FHIT: variants seen among roughly 807,000 people sequenced by gnomAD.
FHIT encodes the protein fragile histidine triad diadenosine triphosphatase.
Under a neutral mutation model 17.9 loss-of-function variants are expected in FHIT, and 19 were observed. The observed-to-expected ratio is 1.06, with a 90% CI of 0.74 to 1.56. FHIT has a LOEUF of 1.56. FHIT is among the 40% of genes most tolerant of loss of function. The probability of loss-of-function intolerance (pLI) is 0.00; values close to 1 mark genes in which losing one functional copy is unlikely to be tolerated. For synonymous variants in FHIT, 81 were observed against 69.7 expected (o/e 1.16, Z -0.81); for missense variants, 248 against 189.2 (o/e 1.31, Z -1.82).
chr3:60,709,158 GA>G (rs2041451182), intron 4 of FHIT, among the ~76,000 whole-genome samples: 1 of 152,078 alleles, frequency 6.6e-6, no homozygotes, highest in South Asian at 2.1e-4. Flanking sequence ...AATTAAAACA[GA>G]AAACTTTCAA....
chr3:60,132,352 A>G lies in FHIT; in HGVS notation c.104-118200T>C, dbSNP rs149809516. Among the ~76,000 whole-genome samples the G allele has an allele frequency of 9.8e-4, 149 of 152,326 alleles. 1 individual carries two copies. The highest frequency in any genetic ancestry group is 3.5e-3 in the African/African-American group (147 of 41,576). ...TTTAACTCAGAGCTTGGCTCAGGTT[A>G]GATGGTCACTAGTTATGTATTTGTT... On this transcript the variant is annotated intron_variant, in intron 5 of 9. Transcript: ENST00000492590.
At chr3:60,021,308 T>C (rs1700545973) in intron 5 of FHIT, among the ~76,000 whole-genome samples, 1 of 152,148 alleles carries the variant, frequency 6.6e-6, no homozygotes, top group African/African-American at 2.4e-5. Flanking sequence ...AAAACTCCGG[T>C]ACCGATCTGG....
chr3:60,206,149 AAATAAT>A (rs1041282613), intron 5 of FHIT, among the ~76,000 whole-genome samples: 187 of 94,140 alleles, frequency 2.0e-3, no homozygotes, highest in East Asian at 8.4e-3. Flanking sequence ...AAAAAAAAAT[AAATAAT>A]AATAATAATA....
intron 4 of FHIT, among the ~76,000 whole-genome samples, chr3:60,626,431 G>A (rs2039287842): frequency 1.3e-5 from 2 of 151,850 alleles, no homozygotes; most frequent in South Asian, 4.2e-4. Flanking sequence ...ATTTTTTGTT[G>A]CTTTTAATTT....
intron 5 of FHIT, among the ~76,000 whole-genome samples, chr3:60,507,714 G>C (rs564953610): frequency 6.6e-6 from 1 of 151,776 alleles, no homozygotes; most frequent in African/African-American, 2.4e-5. Flanking sequence ...TTGTTTCCTC[G>C]GCCCATATGT....
At chr3:59,771,699 T>C (rs1438905710) in intron 8 of FHIT, among the ~76,000 whole-genome samples, 1 of 152,220 alleles carries the variant, frequency 6.6e-6, no homozygotes. Flanking sequence ...TTCAGACTAG[T>C]AGTGTCTCTA....
At chr3:60,869,815 C>T (rs1431657907) in intron 3 of FHIT, among the ~76,000 whole-genome samples, 1 of 152,112 alleles carries the variant, frequency 6.6e-6, no homozygotes, top group Non-Finnish European at 1.5e-5. Context: ...TCTCATCCAA[C>T]TTCTCCCTTT....
intron 4 of FHIT, among the ~76,000 whole-genome samples, chr3:60,738,934 C>T (rs1415884655): frequency 2.6e-5 from 4 of 152,100 alleles, no homozygotes; most frequent in African/African-American, 9.7e-5. Flanking sequence ...ATATAAATCC[C>T]GGACCCCAGG....
intron 5 of FHIT, among the ~76,000 whole-genome samples, chr3:60,173,907 A>ATTTT (rs1559698562): frequency 1.4e-5 from 1 of 73,354 alleles, no homozygotes; most frequent in Admixed American, 1.8e-4. Context: ...ATATATATAT[A>ATTTT]TATATATATG....
intron 5 of FHIT, among the ~76,000 whole-genome samples, chr3:60,495,275 T>C (rs1365082033): frequency 1.3e-5 from 2 of 152,206 alleles, no homozygotes; most frequent in South Asian, 2.1e-4. Flanking sequence ...GTGTATGGTT[T>C]CTTTCATAAG....
intron 5 of FHIT, among the ~76,000 whole-genome samples, chr3:60,085,378 T>C (rs1703453107): frequency 6.6e-6 from 1 of 152,186 alleles, no homozygotes; most frequent in South Asian, 2.1e-4. Context: ...GACATCATTC[T>C]ACACTTACAT....
intron 4 of FHIT, among the ~76,000 whole-genome samples, chr3:60,597,983 G>A (rs1313965045): frequency 1.3e-5 from 2 of 152,222 alleles, no homozygotes; most frequent in East Asian, 1.9e-4. Context: ...TTGGCTTCAG[G>A]AAAGCCAAGA....
At chr3:60,274,888 T>G (rs1026799239) in intron 5 of FHIT, among the ~76,000 whole-genome samples, 2 of 152,188 alleles carry the variant, frequency 1.3e-5, no homozygotes, top group Non-Finnish European at 2.9e-5. Context: ...AATAGGAAGT[T>G]CTATAACTTT....
At chr3:60,365,379 T>C (rs1700065528) in intron 5 of FHIT, among the ~76,000 whole-genome samples, 1 of 152,100 alleles carries the variant, frequency 6.6e-6, no homozygotes, top group African/African-American at 2.4e-5. Context: ...AAAGGAAAGT[T>C]GTTTTTCAGT....
chr3:60,296,408 C>G (rs62248494), intron 5 of FHIT, among the ~76,000 whole-genome samples: 76,672 of 151,958 alleles, frequency 0.5, 20,254 homozygotes, highest in East Asian at 0.96. Context: ...TTTTATTTAG[C>G]ATTTTCCTTA....
At chr3:60,212,132 A>C (rs1703480150) in intron 5 of FHIT, among the ~76,000 whole-genome samples, 1 of 152,168 alleles carries the variant, frequency 6.6e-6, no homozygotes, top group Non-Finnish European at 1.5e-5. Context: ...GTCACTTGGC[A>C]GAAAACACTT....
intron 5 of FHIT, among the ~76,000 whole-genome samples, chr3:60,108,049 T>C (rs4679512): frequency 0.095 from 14,523 of 152,248 alleles, 1,405 homozygotes; most frequent in East Asian, 0.45. Flanking sequence ...CATCTTCACA[T>C]ATATGTTAGT....
intron 8 of FHIT, among the ~76,000 whole-genome samples, chr3:59,840,393 T>TA (rs5849304): frequency 0.79 from 110,424 of 139,676 alleles, 45,230 homozygotes; most frequent in East Asian, 0.97. Context: ...TATCCCCCTT[T>TA]AAAAAAAAAA....
chr3:59,907,499 C>A (rs1559719105), intron 8 of FHIT, among the ~76,000 whole-genome samples: 1 of 152,094 alleles, frequency 6.6e-6, no homozygotes, highest in Non-Finnish European at 1.5e-5. Flanking sequence ...TTCTAACTGC[C>A]CACCCCCAGA....
Sources: gnomAD v4.1 joint callset for allele counts (sites outside exome capture counted in the v4.1 genomes callset) on GRCh38, gnomAD v4.1.1 for gene constraint, MANE v1.5 for transcripts, NCBI Gene and HGNC (gene_info 2026-07-23, HGNC 2026-07-21) for gene names.